The following GRM7 variants were observed in gnomAD, a reference collection of about 807,000 sequenced individuals.
GRM7 encodes glutamate metabotropic receptor 7.
GRM7 carries 35 observed loss-of-function variants against 84.5 expected under a neutral mutation model. The observed-to-expected ratio is 0.41, with a 90% CI of 0.32 to 0.55. The LOEUF is 0.55. Ranked by LOEUF, GRM7 falls within the 20% of genes least tolerant of loss-of-function variation. GRM7 has a pLI of 0.19. For synonymous variants in GRM7, 487 were observed against 455.1 expected (o/e 1.07, Z -0.89); for missense variants, 1,003 against 1,194.6 (o/e 0.84, Z 2.36).
intron 9 of GRM7, among the ~76,000 whole-genome samples, chr3:7,700,529 T>C (rs948292624): frequency 1.3e-5 from 2 of 152,236 alleles, no homozygotes; most frequent in East Asian, 3.8e-4. Context: ...AGTTTGTCTT[T>C]GAAGGAGATT....
chr3:7,083,039 G>T (rs1300930447), intron 1 of GRM7, among the ~76,000 whole-genome samples: 1 of 152,164 alleles, frequency 6.6e-6, no homozygotes, highest in Non-Finnish European at 1.5e-5. Flanking sequence ...AGTGCATAAA[G>T]TTAGTTAACA....
At chr3:7,268,686 T>C (rs1264482446) in intron 2 of GRM7, among the ~76,000 whole-genome samples, 1 of 152,030 alleles carries the variant, frequency 6.6e-6, no homozygotes, top group Non-Finnish European at 1.5e-5. Flanking sequence ...AAAAAGAGGA[T>C]TGGTTGTTTC....
At chr3:7,375,821 T>C (rs1694327589) in intron 4 of GRM7, among the ~76,000 whole-genome samples, 1 of 152,182 alleles carries the variant, frequency 6.6e-6, no homozygotes, top group African/African-American at 2.4e-5. Flanking sequence ...TATGACTTCC[T>C]TTAGCCTAAT....
intron 2 of GRM7, among the ~76,000 whole-genome samples, chr3:7,221,948 A>G (rs2124876680): frequency 6.6e-6 from 1 of 151,626 alleles, no homozygotes; most frequent in East Asian, 2.0e-4. Flanking sequence ...CTGGGATTAT[A>G]GGCACCCGCT....
At chr3:7,457,733 G>C (rs937142158) in intron 6 of GRM7, among the ~76,000 whole-genome samples, 1 of 152,126 alleles carries the variant, frequency 6.6e-6, no homozygotes, top group Non-Finnish European at 1.5e-5. Flanking sequence ...AGTTTTGTTA[G>C]AACATTTGGA....
chr3:7,522,290 G>T (rs975659687), intron 7 of GRM7, among the ~76,000 whole-genome samples: 6 of 145,886 alleles, frequency 4.1e-5, no homozygotes, highest in African/African-American at 1.5e-4. Context: ...CTCGGGGTAG[G>T]GGGAGGAAGA....
At chr3:6,946,372 A>G (rs1271576311) in intron 1 of GRM7, among the ~76,000 whole-genome samples, 1 of 152,092 alleles carries the variant, frequency 6.6e-6, no homozygotes, top group African/African-American at 2.4e-5. Context: ...ATAGTTGTAG[A>G]TATTTGGCAT....
intron 7 of GRM7, among the ~76,000 whole-genome samples, chr3:7,483,168 A>G (rs534200072): frequency 3.2e-4 from 48 of 152,316 alleles, no homozygotes; most frequent in Non-Finnish European, 6.3e-4. Context: ...CTGAGGATGC[A>G]ACCTTGGACA....
chr3:7,515,608 A>G (rs2124982797), intron 7 of GRM7, among the ~76,000 whole-genome samples: 1 of 152,304 alleles, frequency 6.6e-6, no homozygotes. Flanking sequence ...TATCCTTTTG[A>G]CAGTTCCCCA....
At chr3:7,054,262 T>G (rs1290286440) in intron 1 of GRM7, among the ~76,000 whole-genome samples, 3 of 149,654 alleles carry the variant, frequency 2.0e-5, no homozygotes, top group African/African-American at 7.3e-5. Flanking sequence ...ATGATATATA[T>G]GATATATGAT....
chr3:7,538,304 G>A (rs989249084), intron 7 of GRM7, among the ~76,000 whole-genome samples: 2 of 152,092 alleles, frequency 1.3e-5, no homozygotes, highest in Non-Finnish European at 2.9e-5. Context: ...TAGAGATGGA[G>A]TTTCACCATG....
intron 4 of GRM7, among the ~76,000 whole-genome samples, chr3:7,362,292 A>G (rs764874038): frequency 9.9e-5 from 15 of 152,100 alleles, no homozygotes; most frequent in East Asian, 1.9e-4. Flanking sequence ...ATTTTGAAAC[A>G]CAGCATAGCA....
At chr3:7,089,847 A>G (rs939599394) in intron 1 of GRM7, among the ~76,000 whole-genome samples, 3 of 152,012 alleles carry the variant, frequency 2.0e-5, no homozygotes, top group Non-Finnish European at 4.4e-5. Context: ...AATTATTATT[A>G]TTATTGTTAT....
At chr3:7,128,090 C>CATAATATATATAATAATAATATATATATA (rs1559458329) in intron 1 of GRM7, among the ~76,000 whole-genome samples, 1 of 151,180 alleles carries the variant, frequency 6.6e-6, no homozygotes, top group African/African-American at 2.4e-5. Flanking sequence ...ATAGATTACT[C>CATAATATATATAATAATAATATATATATA]ATAATATATA....
At chr3:7,620,664 T>A (rs754540987) in intron 8 of GRM7, among the ~76,000 whole-genome samples, 57 of 152,188 alleles carry the variant, frequency 3.7e-4, no homozygotes, top group Non-Finnish European at 6.6e-4. Flanking sequence ...ATGACTTTTA[T>A]ATGCTGGTGG....
intron 7 of GRM7, among the ~76,000 whole-genome samples, chr3:7,554,688 T>C (rs1693676865): frequency 6.6e-6 from 1 of 152,108 alleles, no homozygotes; most frequent in Non-Finnish European, 1.5e-5. Flanking sequence ...CTGGGCTCCA[T>C]TCAGTCTTTC....
Position 7,049,230 on chromosome 3 carries a change from C to T in GRM7, c.520-97222C>T, listed in dbSNP as rs538571488. Among the ~76,000 whole-genome samples the T allele has an allele frequency of 2.6e-5, 4 of 152,012 alleles. No homozygotes were observed. In the South Asian group the frequency reaches 6.2e-4, roughly 24 times the overall value. ...GTAGCACGTTGTACTGGTCTATTCT[C>T]ATGCTGCTGATAAATACCCAAGACT... On this transcript the variant is annotated intron_variant, in intron 1 of 9. Transcript: ENST00000357716.
intron 1 of GRM7, among the ~76,000 whole-genome samples, chr3:7,010,565 C>T (rs1460725552): frequency 6.6e-6 from 1 of 152,206 alleles, no homozygotes; most frequent in African/African-American, 2.4e-5. Context: ...GAAAGATAAA[C>T]AACCGAATCA....
intron 2 of GRM7, among the ~76,000 whole-genome samples, chr3:7,281,488 G>A (rs1699249314): frequency 6.6e-6 from 1 of 152,186 alleles, no homozygotes; most frequent in African/African-American, 2.4e-5. Context: ...CACATTGACA[G>A]ATGAGACAAT....
Sources: gnomAD v4.1 joint callset for allele counts (sites outside exome capture counted in the v4.1 genomes callset) on GRCh38, gnomAD v4.1.1 for gene constraint, MANE v1.5 for transcripts, NCBI Gene and HGNC (gene_info 2026-07-23, HGNC 2026-07-21) for gene names.